The following HPS4 variants were observed in gnomAD, a reference collection of about 807,000 sequenced individuals.
HPS4 encodes BLOC-3 complex member HPS4.
Under a neutral mutation model 70.3 loss-of-function variants are expected in HPS4, and 44 were observed. The observed-to-expected ratio is 0.63, with a 90% CI of 0.49 to 0.80. HPS4 has a LOEUF of 0.80. Ranked by LOEUF, HPS4 falls within the 30% of genes least tolerant of loss-of-function variation. HPS4 has a pLI of 0.00. For synonymous variants in HPS4, 377 were observed against 355.9 expected, an observed-to-expected ratio of 1.06 and a Z score of -0.67; for missense variants, 873 against 884.4, an observed-to-expected ratio of 0.99 and a Z score of 0.16.
chr22:26,443,741 A>C (rs904739027), downstream of HPS4: 1 of 152,136 alleles, frequency 6.6e-6, no homozygotes, highest in Non-Finnish European at 1.5e-5. Context: ...CAGCCCCCAC[A>C]CCTGACTGGC....
Position 26,457,849 on chromosome 22 carries a change from G to T in HPS4, c.1955+10C>A. On this transcript the variant is annotated intron_variant, in intron 13 of 13. Transcript: ENST00000398145. ...GAGAGTAGGTTGGGGAGCGACTCAG[G>T]GAGGCTCACCTGACAGTCATTTCAT... 6.2e-7 allele frequency: 1 copy of T among 1,607,878 alleles called. No homozygotes were observed. The highest frequency in any genetic ancestry group is 8.5e-7 in the Non-Finnish European group (1 of 1,174,368).
intron 6 of HPS4, 179 bp from the exon 7 acceptor site, chr22:26,470,992 T>A: frequency 7.5e-7 from 1 of 1,337,902 alleles, no homozygotes; most frequent in Non-Finnish European, 1.0e-6. Flanking sequence ...CTCTCTATAC[T>A]CAGAACTGCT....
At chr22:26,477,179 T>G (rs746531398) in intron 3 of HPS4, 43 bp from the exon 4 acceptor site, 2 of 1,611,616 alleles carry the variant, frequency 1.2e-6, no homozygotes, top group East Asian at 2.2e-5. Context: ...CTGAAATTCT[T>G]GAACTCTTAA....
At chr22:26,483,536 G>A (rs1372479447) in intron 1 of HPS4, 138 bp downstream of exon 1, 1 of 172,558 alleles carries the variant, frequency 5.8e-6, no homozygotes, top group Non-Finnish European at 1.2e-5. Flanking sequence ...CAGCACTAGG[G>A]CTGTGCGGTG....
intron 10 of HPS4, 57 bp downstream of exon 10, chr22:26,465,398 C>G: frequency 2.4e-6 from 3 of 1,264,102 alleles, no homozygotes; most frequent in Non-Finnish European, 3.5e-6. Context: ...TTTAACCAAT[C>G]ACGCGATGGG....
Position 26,472,880 on chromosome 22 carries a change from T to C in HPS4, c.336A>G (p.Leu112=), listed in dbSNP as rs1479874303. 1 of 1,614,160 alleles carries C rather than the reference T, an allele frequency of 6.2e-7. No individual in the cohort carries two copies. Among genetic ancestry groups the C allele is most frequent in the Non-Finnish European group, 8.5e-7 (1 of 1,180,030 alleles). ...DVSCKRFLDQ[L]VGFFNFYNGP... is the part of the protein sequence containing the mutation. ...CATTGTAAAAATTAAAGAATCCAAC[T>C]AGCTGATCCAGAAACCGCTTGCAGC... The change falls in exon 5 of 14, where the codon CTA becomes CTG. Residue 112 remains leucine (L), a synonymous_variant. Coordinates refer to ENST00000398145, the MANE Select transcript of HPS4 (RefSeq NM_022081.6).
chr22:26,465,706 G>A (rs2088441131), intron 9 of HPS4, 155 bp from the exon 10 acceptor site: 9 of 654,254 alleles, frequency 1.4e-5, no homozygotes, highest in Admixed American at 2.7e-5. Flanking sequence ...TTGCCAAACT[G>A]CACCTCGAAC....
At position 26,452,473 on chromosome 22, in the gene HPS4, C is replaced by T; in HGVS notation, c.*760G>A. ...TTTAGGGACACTCGCTCGAGAGGAA[C>T]CAGCTGCACGGCCCACTTGTAGTCA... On this transcript the variant is annotated 3_prime_UTR_variant, in exon 14 of 14. Transcript: ENST00000398145. The T allele has an allele frequency of 2.4e-6, 1 of 421,914 alleles. No homozygotes were observed. The highest frequency in any genetic ancestry group is 4.7e-6 in the Non-Finnish European group (1 of 211,550). The allele number at this position is 421,914 out of a possible 1,614,324, so 26.1% of individuals were successfully genotyped here.
Position 26,451,576 on chromosome 22 carries a change from T to C in HPS4, c.*1657A>G, listed in dbSNP as rs2085191590. 6.6e-6 allele frequency: 1 copy of C among 152,258 alleles called. No individual in the cohort carries two copies. The highest frequency in any genetic ancestry group is 1.9e-4 in the East Asian group (1 of 5,194). The allele number at this position is 152,258 out of a possible 1,614,324, so 9.4% of individuals were successfully genotyped here. ...TTTGTACGGTTCCATTTTGGGTCAG[T>C]GGAAGAATTTTCACAACACAAATGA... is the stretch of plus-strand genomic sequence containing the variant. On this transcript the variant is annotated 3_prime_UTR_variant, in exon 14 of 14. Transcript: ENST00000398145.
At chr22:26,446,535 C>T (rs1458130309), downstream of HPS4, among the ~76,000 whole-genome samples, 1 of 152,144 alleles carries the variant, frequency 6.6e-6, no homozygotes, top group Non-Finnish European at 1.5e-5. Flanking sequence ...GGGGTCCAGG[C>T]ACGGGTCTTT....
Position 26,468,590 on chromosome 22 carries a change from G to A in HPS4, c.630C>T (p.Thr210=), listed in dbSNP as rs778366926. The A allele has an allele frequency of 4.3e-5, 69 of 1,614,024 alleles. No individual in the cohort carries two copies. The highest frequency in any genetic ancestry group is 8.3e-5 in the Admixed American group (5 of 60,004). The change falls in exon 8 of 14, where the codon ACC becomes ACT. Residue 210 remains threonine (T), a synonymous_variant. Coordinates refer to ENST00000398145, the MANE Select transcript of HPS4 (RefSeq NM_022081.6). ...IVSTQLPPSL[T]AKVLLHRTAP... is the part of the protein sequence containing the mutation. ...CTGTTCGGTGAAGCAGGACCTTGGC[G>A]GTGAGGGAGGGCGGGAGTTGGGTGC...
intron 11 of HPS4, among the ~76,000 whole-genome samples, chr22:26,462,696 C>T (rs2087559228): frequency 2.6e-5 from 4 of 152,184 alleles, no homozygotes; most frequent in Admixed American, 2.6e-4. Context: ...AGGCTCGACA[C>T]TGTGCAGAAC....
At chr22:26,471,427 G>C (rs956908073) in intron 6 of HPS4, 3 of 455,892 alleles carry the variant, frequency 6.6e-6, no homozygotes, top group African/African-American at 6.0e-5. Context: ...TGGTCAGGAA[G>C]AGCCAGCAAT....
rs1894706 is a variant in HPS4 at position 26,458,475 on chromosome 22, G to A, written c.1816C>T (p.His606Tyr). 1,467,591 of 1,613,888 alleles carry A rather than the reference G, an allele frequency of 0.91. 670,648 individuals are homozygous for A. Among genetic ancestry groups the A allele is most frequent in the Non-Finnish European group, 0.93 (1,095,514 of 1,179,966 alleles). ...ASTSSTYNFT[H>Y]YDRIQSLLMA... ...AGCAAGCTCTGAATGCGGTCGTAAT[G>A]TGTGAAGTTGTAGGTGCTGCTCGTG... Residue 606 changes from histidine to tyrosine, a missense_variant, in exon 12 of 14, where the codon CAT becomes TAT. Physicochemically the swap from His to Tyr is moderately conservative, Grantham distance 83 (BLOSUM62 2). Transcript: ENST00000398145.
Position 26,482,203 on chromosome 22 carries a change from G to T in HPS4, c.-441C>A. The T allele has an allele frequency of 5.3e-6, 1 of 190,298 alleles. No individual in the cohort carries two copies. Among genetic ancestry groups the T allele is most frequent in the African/African-American group, 2.4e-5 (1 of 42,328 alleles). 11.8% of individuals were successfully genotyped at this position (190,298 alleles called of 1,614,324 possible). A position where few individuals can be genotyped will look rare whatever the true frequency, so the allele number is the denominator to read the frequency against. ...CCCATCCTGAAGACTCTTATTAAAC[G>T]TTTTGAAGTTTCCAGTTCAAACATC... is the stretch of plus-strand genomic sequence containing the variant. On this transcript the variant is annotated 5_prime_UTR_variant, in exon 2 of 14. Transcript: ENST00000398145.
rs2146926280 is a variant in HPS4 at position 26,477,020 on chromosome 22, G to A, written c.249C>T (p.Ala83=). Residue 83 remains alanine (A), a synonymous_variant, in exon 4 of 14, where the codon GCC becomes GCT. Transcript: ENST00000398145. ...AAAGGTAATCTCCATCAACTTTTATGGCAAACTTCAGTTTTCTCAGACGAA... is the reference window on the plus strand; with the variant it reads ...AAAGGTAATCTCCATCAACTTTTATAGCAAACTTCAGTTTTCTCAGACGAA... ...TLVRLRKLKF[A]IKVDGDYLWV... 3 of 1,614,150 alleles carry A rather than the reference G, an allele frequency of 1.9e-6. No homozygotes were observed. Among genetic ancestry groups the A allele is most frequent in the Non-Finnish European group, 1.7e-6 (2 of 1,180,006 alleles).
chr22:26,473,383 G>A (rs2090105094), intron 4 of HPS4, among the ~76,000 whole-genome samples: 1 of 152,168 alleles, frequency 6.6e-6, no homozygotes, highest in Admixed American at 6.5e-5. Context: ...TGTTTCTCCA[G>A]CTGGATAGAG....
At position 26,472,359 on chromosome 22, in the gene HPS4, T is replaced by C. The variant is rs1280189735; in HGVS notation, c.444A>G (p.Lys148=). The part of the protein sequence containing the change: ...EWDTFIEQIL[K]NTSDLHKIFN... ...AAATCTTATGCAGATCACTGGTGTT[T>C]TTCAGAATTTGCTCGATGAAGGTGT... is the stretch of plus-strand genomic sequence containing the variant. Residue 148 remains lysine, a synonymous_variant, in exon 6 of 14, where the codon AAA becomes AAG. Transcript: ENST00000398145. 3.1e-6 allele frequency: 5 copies of C among 1,614,104 alleles called. No homozygotes were observed. The highest frequency in any genetic ancestry group is 4.2e-6 in the Non-Finnish European group (5 of 1,179,934).
chr22:26,479,184 A>C, intron 3 of HPS4, 81 bp downstream of exon 3: 1 of 1,353,698 alleles, frequency 7.4e-7, no homozygotes, highest in African/African-American at 1.4e-5. Flanking sequence ...AACTGTCCTA[A>C]TGTAAACCCC....
Sources: allele counts gnomAD v4.1 joint callset (sites outside exome capture counted in the v4.1 genomes callset), GRCh38; gene constraint gnomAD v4.1.1; transcripts MANE v1.5; gene names NCBI Gene and HGNC (gene_info 2026-07-23, HGNC 2026-07-21).